CELSR1: variants seen among roughly 807,000 people sequenced by gnomAD.
The protein encoded by CELSR1 is cadherin EGF LAG seven-pass G-type receptor 1.
Under a neutral mutation model 249.1 loss-of-function variants are expected in CELSR1, and 110 were observed. The observed-to-expected ratio is 0.44, with a 90% CI of 0.38 to 0.52. CELSR1 has a LOEUF of 0.52. Among genes scored for constraint, CELSR1 ranks in the 20% least tolerant of loss-of-function variants. CELSR1 has a pLI of 0.00. For synonymous variants in CELSR1, 2,113 were observed against 1,900.0 expected (o/e 1.11, Z -2.92); for missense variants, 4,109 against 4,296.4 (o/e 0.96, Z 1.22).
chr22:46,464,330 A>G lies in CELSR1; in HGVS notation c.3560T>C (p.Val1187Ala). ...GACACGCAGGGTGCAGAAGGCCGTG[A>G]CGCTGTGGATGCCATCTGCAGACAC... ...EVSVSDGIHS[V>A]TAFCTLRVTI... Residue 1187 changes from valine to alanine, a missense_variant, in exon 2 of 35, where the codon GTC (valine) becomes GCC (alanine). Coordinates refer to ENST00000674500, the MANE Select transcript of CELSR1 (RefSeq NM_001378328.1). The surrounding 1 kb of genome is among the most constrained non-coding windows in gnomAD (Gnocchi z 8.5). 1 of 1,610,328 alleles carries G rather than the reference A, an allele frequency of 6.2e-7. No homozygotes were observed. Among genetic ancestry groups the G allele is most frequent in the Non-Finnish European group, 8.5e-7 (1 of 1,178,170 alleles).
intron 1 of CELSR1, among the ~76,000 whole-genome samples, chr22:46,520,641 T>C (rs2080676048): frequency 6.6e-6 from 1 of 152,004 alleles, no homozygotes; most frequent in African/African-American, 2.4e-5. Context: ...TTTGCATTTT[T>C]AGTGGAGACA....
At chr22:46,392,612 A>AGT (rs2079105802) in intron 14 of CELSR1, among the ~76,000 whole-genome samples, 1 of 152,096 alleles carries the variant, frequency 6.6e-6, no homozygotes, top group African/African-American at 2.4e-5. Context: ...TCTGGAGTGC[A>AGT]GTGGTGCAGT....
Position 46,478,432 on chromosome 22 carries a change from C to A in CELSR1, c.3545-14087G>T, listed in dbSNP as rs78055115. On this transcript the variant is annotated intron_variant, in intron 1 of 34. Coordinates refer to ENST00000674500, the MANE Select transcript of CELSR1 (RefSeq NM_001378328.1). ...TGGTTCTGAGCCAAATGATGCCTTC[C>A]AGCATGACAATGCGGCCCTGAGCAC... Among the ~76,000 whole-genome samples the A allele has an allele frequency of 3.0e-3, 450 of 152,324 alleles. 3 individuals are homozygous for A. The highest frequency in any genetic ancestry group is 5.2e-3 in the Non-Finnish European group (357 of 68,032).
intron 1 of CELSR1, among the ~76,000 whole-genome samples, chr22:46,501,063 T>G (rs996421743): frequency 6.6e-6 from 1 of 152,052 alleles, no homozygotes; most frequent in African/African-American, 2.4e-5. Flanking sequence ...AGACAGAGTC[T>G]TGCTCTGTCA....
chr22:46,484,226 A>G lies in CELSR1; in HGVS notation c.3545-19881T>C, dbSNP rs1602199232. 6.6e-6 allele frequency among the ~76,000 whole-genome samples: 1 copy of G among 152,144 alleles called. No homozygotes were observed. Among genetic ancestry groups the G allele is most frequent in the Non-Finnish European group, 1.5e-5 (1 of 68,034 alleles). ...CGAGGTCTGAACTGGGCACCAGTAA[A>G]CCTGGCATCCACAGGGCCCACCAGC... On this transcript the variant is annotated intron_variant, in intron 1 of 34. Coordinates refer to ENST00000674500, the MANE Select transcript of CELSR1 (RefSeq NM_001378328.1). The surrounding 1 kb of genome is among the most constrained non-coding windows in gnomAD (Gnocchi z 4.5).
chr22:46,369,807 G>A lies in CELSR1; in HGVS notation c.7760-3C>T. 6.2e-7 allele frequency: 1 copy of A among 1,612,486 alleles called. No individual in the cohort carries two copies. The highest frequency in any genetic ancestry group is 8.5e-7 in the Non-Finnish European group (1 of 1,179,596). ...GGGGTCCAGGCCGACCGCCAGTCCTGAACACAGCGGGGAGGAAGGGAAGGG... is the reference window on the plus strand; with the variant it reads ...GGGGTCCAGGCCGACCGCCAGTCCTAAACACAGCGGGGAGGAAGGGAAGGG... On this transcript the variant is annotated splice_region_variant and splice_polypyrimidine_tract_variant and intron_variant, in intron 25 of 34. Transcript: ENST00000674500.
intron 1 of CELSR1, among the ~76,000 whole-genome samples, chr22:46,476,536 C>G (rs1013547872): frequency 6.9e-6 from 1 of 145,560 alleles, no homozygotes. Flanking sequence ...GCAGAGGTTG[C>G]AGTAAACTGA....
At chr22:46,494,951 C>G (rs2080399284) in intron 1 of CELSR1, among the ~76,000 whole-genome samples, 1 of 152,330 alleles carries the variant, frequency 6.6e-6, no homozygotes, top group Non-Finnish European at 1.5e-5. Flanking sequence ...TTTTTAAAAA[C>G]AGTACAATCG....
Position 46,534,252 on chromosome 22 carries a change from C to G in CELSR1, c.2919G>C (p.Arg973=). The G allele has an allele frequency of 2.5e-6, 4 of 1,613,568 alleles. No homozygotes were observed. Among genetic ancestry groups the G allele is most frequent in the Non-Finnish European group, 3.4e-6 (4 of 1,180,030 alleles). Residue 973 remains arginine, a synonymous_variant, in exon 1 of 35, where the codon CGG becomes CGC. Coordinates refer to ENST00000674500, the MANE Select transcript of CELSR1 (RefSeq NM_001378328.1). The surrounding 1 kb of genome is among the most constrained non-coding windows in gnomAD (Gnocchi z 9.7). ...VYNLWALAVD[R]GSPTPLSASV... ...AGGCGCTAAGGGGAGTGGGACTGCC[C>G]CGATCCACAGCCAGAGCCCAAAGGT...
intron 5 of CELSR1, among the ~76,000 whole-genome samples, chr22:46,424,711 G>A (rs1335451213): frequency 6.6e-6 from 1 of 152,198 alleles, no homozygotes; most frequent in Non-Finnish European, 1.5e-5. Flanking sequence ...AGTGGCTTAT[G>A]CCTGTAATCC....
rs2079659145 is a variant in CELSR1, at chr22:46,436,225, A to T, written c.4471T>A (p.Phe1491Ile). The change falls in exon 4 of 35, where the codon TTC (phenylalanine) becomes ATC (isoleucine). Residue 1491 changes from phenylalanine (F) to isoleucine (I), a missense_variant. By Grantham distance (21) the Phe-to-Ile change is conservative (BLOSUM62 0). Coordinates refer to ENST00000674500, the MANE Select transcript of CELSR1 (RefSeq NM_001378328.1). This position sits in a 1 kb window ranked among gnomAD's most constrained non-coding sequence, Gnocchi z 5.9. ...YNGRFNEKHD[F>I]IALEIVDEQV... ...TCGTCCACGATCTCCAGGGCGATGA[A>T]GTCGTGCTTCTCATTGAAGCGGCCG... 4 of 1,614,022 alleles carry T rather than the reference A, an allele frequency of 2.5e-6. No individual in the cohort carries two copies. The highest frequency in any genetic ancestry group is 3.4e-6 in the Non-Finnish European group (4 of 1,180,022).
At chr22:46,418,434 G>T (rs533864658) in intron 5 of CELSR1, among the ~76,000 whole-genome samples, 35 of 152,300 alleles carry the variant, frequency 2.3e-4, no homozygotes, top group African/African-American at 8.2e-4. Context: ...GCAGTGGGCC[G>T]AGATTGTACA....
In CELSR1 at chr22:46,372,921, T is replaced by A; in HGVS notation, c.7721A>T (p.Tyr2574Phe). 1 of 1,612,550 alleles carries A rather than the reference T, an allele frequency of 6.2e-7. No homozygotes were observed. Among genetic ancestry groups the A allele is most frequent in the Non-Finnish European group, 8.5e-7 (1 of 1,179,386 alleles). The change falls in exon 25 of 35, where the codon TAC (tyrosine) becomes TTC (phenylalanine). Residue 2574 changes from tyrosine to phenylalanine, a missense_variant. Physicochemically the swap from Tyr to Phe is conservative, Grantham distance 22 (BLOSUM62 3). Coordinates refer to ENST00000674500, the MANE Select transcript of CELSR1 (RefSeq NM_001378328.1). ...CGGGATGCCCCAGCCCACGACGTAG[T>A]AGAACCGCATGGGCCCCGTGTCGAT... ...RNIDTGPMRF[Y>F]YVVGWGIPAI...
intron 1 of CELSR1, among the ~76,000 whole-genome samples, chr22:46,478,101 C>T (rs771510162): frequency 2.0e-5 from 3 of 152,228 alleles, no homozygotes; most frequent in African/African-American, 4.8e-5. Context: ...GGACCCCTTC[C>T]GGCCTGAGAC....
chr22:46,381,984 G>A lies in CELSR1; in HGVS notation c.6950C>T (p.Thr2317Ile). 1.3e-6 allele frequency: 2 copies of A among 1,566,112 alleles called. No homozygotes were observed. Among genetic ancestry groups the A allele is most frequent in the Non-Finnish European group, 1.7e-6 (2 of 1,157,828 alleles). ...CCTGCTGATCGGGGCCTCCCTCTCG[G>A]TGCCAGGCCCCGGGCGCGTGGTCTG... is the stretch of plus-strand genomic sequence containing the variant. ...TPQTTRPGPGTEREAPISRRR... is the reference protein window; with the variant it reads ...TPQTTRPGPGIEREAPISRRR... The change falls in exon 21 of 35, where the codon ACC becomes ATC. Residue 2317 changes from threonine (T) to isoleucine (I), a missense_variant. Physicochemically the swap from Thr to Ile is moderately conservative, Grantham distance 89. Coordinates refer to ENST00000674500, the MANE Select transcript of CELSR1 (RefSeq NM_001378328.1). The surrounding 1 kb of genome is among the most constrained non-coding windows in gnomAD (Gnocchi z 6.0).
At position 46,365,591 on chromosome 22, in the gene CELSR1, G is replaced by C. The variant is rs2078760216; in HGVS notation, c.8399C>G (p.Pro2800Arg). 1 of 1,588,710 alleles carries C rather than the reference G, an allele frequency of 6.3e-7. No homozygotes were observed. Among genetic ancestry groups the C allele is most frequent in the African/African-American group, 1.3e-5 (1 of 74,418 alleles). The change falls in exon 31 of 35, where the codon CCC becomes CGC. Residue 2800 changes from proline to arginine, a missense_variant. By Grantham distance (103) the Pro-to-Arg change is moderately radical. Coordinates refer to ENST00000674500, the MANE Select transcript of CELSR1 (RefSeq NM_001378328.1). ...ASLMPRSCKD[P>R]PGHDSDSDSE... ...CCCCTCCAGGGAAGCCATACCAGGG[G>C]GATCCTTGCAGCTCCTGGGCATGAG...
chr22:46,459,678 CA>C (rs1034923099), intron 2 of CELSR1, among the ~76,000 whole-genome samples: 68 of 152,218 alleles, frequency 4.5e-4, no homozygotes, highest in African/African-American at 1.5e-3. Context: ...CTCAACCCAC[CA>C]GCACCCCCAC....
chr22:46,528,571 C>T (rs1024475908), intron 1 of CELSR1, among the ~76,000 whole-genome samples: 2 of 152,164 alleles, frequency 1.3e-5, no homozygotes, highest in African/African-American at 2.4e-5. Flanking sequence ...TGACGTGGCC[C>T]GGCCACAGAT....
rs533974636 is a variant in CELSR1, at chr22:46,427,237, C to G, written c.4611+6156G>C. Among the ~76,000 whole-genome samples the G allele has an allele frequency of 3.3e-5, 5 of 152,296 alleles. No individual in the cohort carries two copies. The South Asian group carries it at 6.2e-4, about 19-fold the overall frequency. ...CTGGATTTCTAAATGCCACCCTCCA[C>G]TAAAAGAACCAGGCTCGGCCAGGTG... On this transcript the variant is annotated intron_variant, in intron 5 of 34. Coordinates refer to ENST00000674500, the MANE Select transcript of CELSR1 (RefSeq NM_001378328.1). This position sits in a 1 kb window ranked among gnomAD's most constrained non-coding sequence, Gnocchi z 4.2.
Sources: allele counts gnomAD v4.1 joint callset (sites outside exome capture counted in the v4.1 genomes callset), GRCh38; gene constraint gnomAD v4.1.1; non-coding constraint Gnocchi (gnomAD v3.1); transcripts MANE v1.5; gene names NCBI Gene and HGNC (gene_info 2026-07-23, HGNC 2026-07-21).